Variants in CNTN1 observed in about 807,000 individuals in gnomAD.
The protein encoded by CNTN1 is contactin 1, also known as contactin-1.
A neutral mutation model predicts 126.4 loss-of-function variants in CNTN1; 38 were observed. That is an observed-to-expected ratio of 0.30 (90% CI 0.23 to 0.39). CNTN1 has a LOEUF of 0.39. Ranked by LOEUF, CNTN1 falls within the 10% of genes least tolerant of loss-of-function variation. The probability of loss-of-function intolerance (pLI) is 1.00; values close to 1 mark genes in which losing one functional copy is unlikely to be tolerated. For missense variants in CNTN1, 1,009 were observed against 1,248.4 expected, an observed-to-expected ratio of 0.81 and a Z score of 2.89; for synonymous variants, 413 against 422.6, an observed-to-expected ratio of 0.98 and a Z score of 0.28.
intron 1 of CNTN1, among the ~76,000 whole-genome samples, chr12:40,852,842 AT>A (rs1027170100): frequency 6.7e-6 from 1 of 149,574 alleles, no homozygotes; most frequent in African/African-American, 2.5e-5. Flanking sequence ...TTCTAAATTT[AT>A]TTTTTAAGTC....
At chr12:41,021,709 A>G (rs1284746498) in intron 20 of CNTN1, among the ~76,000 whole-genome samples, 1 of 151,618 alleles carries the variant, frequency 6.6e-6, no homozygotes, top group Non-Finnish European at 1.5e-5. Flanking sequence ...CATCTATGCA[A>G]GGGTTCAGCT....
intron 1 of CNTN1, among the ~76,000 whole-genome samples, chr12:40,695,375 T>C (rs1189199817): frequency 6.6e-6 from 1 of 152,234 alleles, no homozygotes; most frequent in East Asian, 1.9e-4. Context: ...TTTCATAGAA[T>C]GACTCGGTTC....
chr12:40,710,129 C>CT (rs941029696), intron 1 of CNTN1, among the ~76,000 whole-genome samples: 2 of 152,000 alleles, frequency 1.3e-5, no homozygotes, highest in African/African-American at 4.8e-5. Context: ...TTTTATTTGA[C>CT]TTTTTTCCCA....
chr12:41,058,423 G>A (rs971479629), intron 23 of CNTN1, among the ~76,000 whole-genome samples: 2 of 152,090 alleles, frequency 1.3e-5, no homozygotes, highest in African/African-American at 4.8e-5. Flanking sequence ...AGAAATGCTG[G>A]TATTGAAGGA....
chr12:41,031,098 G>T (rs145350849), intron 23 of CNTN1, among the ~76,000 whole-genome samples: 1 of 152,148 alleles, frequency 6.6e-6, no homozygotes, highest in African/African-American at 2.4e-5. Context: ...ATTCCTCACC[G>T]AAAGGAGAAC....
intron 1 of CNTN1, among the ~76,000 whole-genome samples, chr12:40,736,777 A>C (rs1223563217): frequency 6.6e-6 from 1 of 152,110 alleles, no homozygotes; most frequent in Non-Finnish European, 1.5e-5. Context: ...GAGAACAGAC[A>C]AAACAGAGCT....
chr12:40,787,946 T>G (rs1332900358), intron 1 of CNTN1, among the ~76,000 whole-genome samples: 1 of 152,158 alleles, frequency 6.6e-6, no homozygotes, highest in African/African-American at 2.4e-5. Context: ...CAGAATTGGT[T>G]TGAACCCTGG....
intron 7 of CNTN1, among the ~76,000 whole-genome samples, chr12:40,931,510 T>A (rs1945882585): frequency 6.6e-6 from 1 of 151,998 alleles, no homozygotes; most frequent in African/African-American, 2.4e-5. Context: ...AGATGTCAAT[T>A]CTTCCTATAT....
intron 1 of CNTN1, among the ~76,000 whole-genome samples, chr12:40,872,456 T>A (rs1324184490): frequency 6.6e-6 from 1 of 152,042 alleles, no homozygotes; most frequent in Non-Finnish European, 1.5e-5. Flanking sequence ...TCTAACTATA[T>A]AGTTATCTTG....
intron 1 of CNTN1, among the ~76,000 whole-genome samples, chr12:40,838,414 C>A (rs1592143115): frequency 1.3e-5 from 2 of 152,216 alleles, no homozygotes; most frequent in East Asian, 3.9e-4. Context: ...AGTATCTGAA[C>A]ACCCACTTGG....
intron 23 of CNTN1, among the ~76,000 whole-genome samples, chr12:41,060,367 C>T (rs1949914876): frequency 6.6e-6 from 1 of 152,184 alleles, no homozygotes; most frequent in Non-Finnish European, 1.5e-5. Context: ...GAACCATTAA[C>T]CTTGGCATAG....
chr12:41,002,259 C>T (rs1948379315), intron 17 of CNTN1, among the ~76,000 whole-genome samples: 1 of 152,124 alleles, frequency 6.6e-6, no homozygotes, highest in Non-Finnish European at 1.5e-5. Context: ...TTGATGCTTT[C>T]TATCCACGAG....
intron 1 of CNTN1, among the ~76,000 whole-genome samples, chr12:40,757,421 A>T (rs1262368946): frequency 1.3e-5 from 2 of 152,186 alleles, no homozygotes; most frequent in Non-Finnish European, 2.9e-5. Context: ...AATTCCTATT[A>T]TTGACCCTTT....
chr12:40,908,806 A>G (rs930070346), intron 2 of CNTN1, among the ~76,000 whole-genome samples: 1 of 152,156 alleles, frequency 6.6e-6, no homozygotes, highest in African/African-American at 2.4e-5. Flanking sequence ...TCAACCTGAC[A>G]TCATTTAATG....
chr12:40,837,641 A>G (rs1822598), intron 1 of CNTN1, among the ~76,000 whole-genome samples: 80,939 of 152,018 alleles, frequency 0.53, 22,182 homozygotes, highest in East Asian at 0.77. Context: ...CCTGGGGTGC[A>G]GCAGCGTTGA....
intron 12 of CNTN1, among the ~76,000 whole-genome samples, chr12:40,941,052 C>T (rs1026375366): frequency 6.6e-6 from 1 of 152,130 alleles, no homozygotes; most frequent in Non-Finnish European, 1.5e-5. Flanking sequence ...CCAAGGATTT[C>T]CCAGAACTAT....
chr12:40,816,177 G>A (rs1941248928), intron 1 of CNTN1, among the ~76,000 whole-genome samples: 2 of 152,140 alleles, frequency 1.3e-5, no homozygotes, highest in Non-Finnish European at 2.9e-5. Flanking sequence ...AATGAGTTAG[G>A]GAGGAGTCCC....
chr12:40,895,068 CTG>C, intron 1 of CNTN1, among the ~76,000 whole-genome samples: 1 of 152,234 alleles, frequency 6.6e-6, no homozygotes, highest in East Asian at 1.9e-4. Flanking sequence ...ACTCAAGTTT[CTG>C]TGTTATAGTA....
At chr12:40,924,679 A>T in intron 6 of CNTN1, 27 bp downstream of exon 6, 2 of 1,226,988 alleles carry the variant, frequency 1.6e-6, no homozygotes, top group Non-Finnish European at 2.4e-6. Flanking sequence ...TCTGACTATT[A>T]GCATCTATGA....
Sources: allele counts gnomAD v4.1 joint callset (sites outside exome capture counted in the v4.1 genomes callset), GRCh38; gene constraint gnomAD v4.1.1; transcripts MANE v1.5; gene names NCBI Gene and HGNC (gene_info 2026-07-23, HGNC 2026-07-21).